The following MAGI1 variants were observed in gnomAD, a reference collection of about 807,000 sequenced individuals.
MAGI1 encodes the protein membrane associated guanylate kinase, WW and PDZ domain containing 1.
In MAGI1, 58 loss-of-function variants were observed where a neutral mutation model predicts 139.9. The observed-to-expected ratio is 0.41, with a 90% CI of 0.34 to 0.52. The LOEUF is 0.52. Ranked by LOEUF, MAGI1 falls within the 20% of genes least tolerant of loss-of-function variation. The probability of loss-of-function intolerance (pLI) is 0.12; values close to 1 mark genes in which losing one functional copy is unlikely to be tolerated. For synonymous variants in MAGI1, 812 were observed against 737.9 expected (o/e 1.10, Z -1.63); for missense variants, 1,874 against 1,901.6 (o/e 0.99, Z 0.27).
intron 1 of MAGI1, among the ~76,000 whole-genome samples, chr3:65,863,787 A>C (rs535603103): frequency 1.3e-5 from 2 of 152,330 alleles, no homozygotes; most frequent in Admixed American, 6.5e-5. Context: ...TGGCATATCC[A>C]TAAATTAAAT....
intron 5 of MAGI1, among the ~76,000 whole-genome samples, chr3:65,460,531 A>G (rs1439919038): frequency 6.6e-6 from 1 of 151,366 alleles, no homozygotes; most frequent in Non-Finnish European, 1.5e-5. Context: ...TACTACTTGC[A>G]TTACTTATTT....
chr3:65,568,377 G>A (rs2080778738), intron 2 of MAGI1, among the ~76,000 whole-genome samples: 1 of 152,036 alleles, frequency 6.6e-6, no homozygotes, highest in African/African-American at 2.4e-5. Context: ...GGCAATATAG[G>A]TGATTCCTTG....
chr3:65,931,038 T>G (rs1473896510), intron 1 of MAGI1, among the ~76,000 whole-genome samples: 4 of 148,214 alleles, frequency 2.7e-5, no homozygotes, highest in Non-Finnish European at 6.0e-5. Context: ...ATTGCTTGCT[T>G]CTTTTTTTTT....
intron 2 of MAGI1, among the ~76,000 whole-genome samples, chr3:65,586,913 G>A (rs2081710604): frequency 6.6e-6 from 1 of 152,072 alleles, no homozygotes; most frequent in Non-Finnish European, 1.5e-5. Context: ...GCCTGTAACA[G>A]GTCACAAAAG....
chr3:65,532,942 T>G (rs1044712090), intron 2 of MAGI1: 10 of 152,214 alleles, frequency 6.6e-5, no homozygotes, highest in African/African-American at 1.9e-4. Flanking sequence ...CGTCTCTCTC[T>G]CCTGATCTAT....
intron 4 of MAGI1, among the ~76,000 whole-genome samples, chr3:65,473,493 G>A (rs1218678830): frequency 6.6e-6 from 1 of 152,004 alleles, no homozygotes; most frequent in African/African-American, 2.4e-5. Context: ...GCAGTAAACT[G>A]TTAGGATGAT....
At chr3:65,737,252 G>A (rs1490851384) in intron 1 of MAGI1, among the ~76,000 whole-genome samples, 2 of 152,168 alleles carry the variant, frequency 1.3e-5, no homozygotes, top group African/African-American at 4.8e-5. Context: ...TGATCCACCT[G>A]CCTCAGCCTC....
At chr3:65,866,545 C>A (rs2059735346) in intron 1 of MAGI1, among the ~76,000 whole-genome samples, 1 of 152,006 alleles carries the variant, frequency 6.6e-6, no homozygotes, top group Non-Finnish European at 1.5e-5. Context: ...CTCCCACCAG[C>A]ACAGAAAGAC....
At chr3:65,966,566 T>G (rs2064751962) in intron 1 of MAGI1, among the ~76,000 whole-genome samples, 1 of 151,142 alleles carries the variant, frequency 6.6e-6, no homozygotes, top group Admixed American at 6.6e-5. Context: ...CGCAGTGGAC[T>G]ATGATGGCAC....
chr3:65,681,746 A>G (rs1203098040), intron 1 of MAGI1, among the ~76,000 whole-genome samples: 2 of 152,258 alleles, frequency 1.3e-5, no homozygotes, highest in African/African-American at 4.8e-5. Flanking sequence ...TCATACAGCT[A>G]AATTTGAACA....
At chr3:65,612,048 T>C (rs1395166686) in intron 2 of MAGI1, among the ~76,000 whole-genome samples, 2 of 152,098 alleles carry the variant, frequency 1.3e-5, no homozygotes, top group Non-Finnish European at 2.9e-5. Flanking sequence ...CTCTCTATAC[T>C]TTAATGAACA....
intron 2 of MAGI1, among the ~76,000 whole-genome samples, chr3:65,540,281 T>A (rs1033289257): frequency 2.0e-5 from 3 of 152,190 alleles, no homozygotes; most frequent in African/African-American, 7.2e-5. Flanking sequence ...TAAAATTACA[T>A]CAAACCCCTT....
At chr3:65,719,403 TTATG>T (rs1380079961) in intron 1 of MAGI1, among the ~76,000 whole-genome samples, 1 of 151,910 alleles carries the variant, frequency 6.6e-6, no homozygotes, top group Non-Finnish European at 1.5e-5. Context: ...ATTAAAAATA[TTATG>T]TATGATTTTT....
chr3:65,446,276 C>A (rs1451577720), intron 7 of MAGI1, among the ~76,000 whole-genome samples: 1 of 152,120 alleles, frequency 6.6e-6, no homozygotes, highest in Non-Finnish European at 1.5e-5. Flanking sequence ...CTCATAAGCA[C>A]CATGGGAGCT....
intron 1 of MAGI1, among the ~76,000 whole-genome samples, chr3:65,679,677 C>T (rs1469835253): frequency 6.6e-6 from 1 of 152,208 alleles, no homozygotes; most frequent in Non-Finnish European, 1.5e-5. Context: ...TCAGGAGGTT[C>T]TGCACGCTGC....
intron 12 of MAGI1, among the ~76,000 whole-genome samples, chr3:65,409,649 T>C (rs1945625623): frequency 6.6e-6 from 1 of 152,100 alleles, no homozygotes; most frequent in Non-Finnish European, 1.5e-5. Flanking sequence ...TTTTTCTCCT[T>C]CTTCTGGCTA....
At chr3:65,979,088 T>TTCCCCCCCCCCC (rs377493475) in intron 1 of MAGI1, among the ~76,000 whole-genome samples, 1 of 52,970 alleles carries the variant, frequency 1.9e-5, no homozygotes, top group African/African-American at 7.0e-5. Flanking sequence ...TTTCTTTTCT[T>TTCCCCCCCCCCC]CCCCCCCCCC....
chr3:65,472,303 A>G (rs1253746936), intron 4 of MAGI1, among the ~76,000 whole-genome samples: 2 of 152,124 alleles, frequency 1.3e-5, no homozygotes, highest in Non-Finnish European at 2.9e-5. Flanking sequence ...GACTTTTCAC[A>G]CTTAAGTGCA....
intron 1 of MAGI1, among the ~76,000 whole-genome samples, chr3:65,719,548 CT>C (rs60382042): frequency 4.9e-3 from 683 of 140,392 alleles, no homozygotes; most frequent in Middle Eastern, 7.4e-3. Context: ...TACTCAACCT[CT>C]TTTTTTTTTT....
Sources: gnomAD v4.1 joint callset for allele counts (sites outside exome capture counted in the v4.1 genomes callset) on GRCh38, gnomAD v4.1.1 for gene constraint, MANE v1.5 for transcripts, NCBI Gene and HGNC (gene_info 2026-07-23, HGNC 2026-07-21) for gene names.